TRAPPC13: variants seen among roughly 807,000 people sequenced by gnomAD.
The protein encoded by TRAPPC13 is trafficking protein particle complex subunit 13, also known as REV7-interacting novel NHEJ regulator 1.
Under a neutral mutation model 54.0 loss-of-function variants are expected in TRAPPC13, and 39 were observed. That is an observed-to-expected ratio of 0.72 (90% CI 0.56 to 0.94). TRAPPC13 has a LOEUF of 0.94. Among genes scored for constraint, TRAPPC13 ranks in the 40% least tolerant of loss-of-function variants. TRAPPC13 has a pLI of 0.00. For synonymous variants in TRAPPC13, 148 were observed against 167.7 expected (o/e 0.88, Z 0.91); for missense variants, 386 against 488.1 (o/e 0.79, Z 1.97).
chr5:65,638,324 G>A (rs1444283949), intron 4 of TRAPPC13, among the ~76,000 whole-genome samples: 1 of 152,108 alleles, frequency 6.6e-6, no homozygotes, highest in Non-Finnish European at 1.5e-5. Context: ...AAATGTACTA[G>A]TCAAAGCTAA....
intron 1 of TRAPPC13, among the ~76,000 whole-genome samples, chr5:65,633,836 A>T (rs1755638254): frequency 6.6e-6 from 1 of 151,728 alleles, no homozygotes; most frequent in Non-Finnish European, 1.5e-5. Flanking sequence ...TTTTTTAGTT[A>T]AATTTTATTT....
intron 1 of TRAPPC13, among the ~76,000 whole-genome samples, chr5:65,632,019 A>T (rs1051350606): frequency 6.6e-6 from 1 of 152,194 alleles, no homozygotes; most frequent in Non-Finnish European, 1.5e-5. Context: ...AGAAATAGAA[A>T]ACACCAACTG....
At chr5:65,636,171 T>G in intron 3 of TRAPPC13, 128 bp downstream of exon 3, 7 of 600,846 alleles carry the variant, frequency 1.2e-5, no homozygotes, top group Non-Finnish European at 1.7e-5. Context: ...TGAGATGGAG[T>G]CTCGCTCTAT....
At chr5:65,633,857 C>T (rs1467125663) in intron 1 of TRAPPC13, among the ~76,000 whole-genome samples, 1 of 150,762 alleles carries the variant, frequency 6.6e-6, no homozygotes, top group Non-Finnish European at 1.5e-5. Flanking sequence ...TCCCAGATAG[C>T]TAACCATGTC....
chr5:65,633,158 T>G (rs1282809619), intron 1 of TRAPPC13, among the ~76,000 whole-genome samples: 2 of 152,224 alleles, frequency 1.3e-5, no homozygotes, highest in African/African-American at 4.8e-5. Flanking sequence ...AAATTTGATA[T>G]GAATGCCATA....
intron 2 of TRAPPC13, 82 bp from the exon 3 acceptor site, chr5:65,635,862 A>C (rs1015035402): frequency 9.7e-6 from 8 of 821,812 alleles, no homozygotes; most frequent in Admixed American, 3.5e-5. Context: ...TTTTTAAAAT[A>C]TCTCTCCCAG....
chr5:65,659,943 C>G (rs868165883), intron 9 of TRAPPC13, among the ~76,000 whole-genome samples: 1 of 110,992 alleles, frequency 9.0e-6, no homozygotes, highest in African/African-American at 3.5e-5. Context: ...AGCCTGGTGA[C>G]AGAGAGAGAC....
chr5:65,628,733 A>T (rs1179742270), intron 1 of TRAPPC13, among the ~76,000 whole-genome samples: 1 of 151,990 alleles, frequency 6.6e-6, no homozygotes, highest in African/African-American at 2.4e-5. Context: ...GCCCCCATAA[A>T]GTTCTGGGAT....
Position 65,664,485 on chromosome 5 carries a change from T to TCTCC in TRAPPC13, c.1147-16_1147-15insCCTC, listed in dbSNP as rs2150696557. 1.4e-6 allele frequency: 2 copies of TCTCC among 1,423,358 alleles called. No individual in the cohort carries two copies. The highest frequency in any genetic ancestry group is 1.2e-5 in the South Asian group (1 of 81,872). The allele number at this position is 1,423,358 out of a possible 1,614,324, so 88.2% of individuals were successfully genotyped here. The stretch of plus-strand genomic sequence containing the variant: ...CTGAATGAATGAAAACTTAGACTCA[T>TCTCC]CTCTCTCTCTCTCAATAGAGCATCT... On this transcript the variant is annotated intron_variant, in intron 12 of 12. Transcript: ENST00000399438.
rs535857101 is a variant in TRAPPC13, at chr5:65,641,726, C to CA, written c.300+3954dup. ...ACCCTGTCTGAGAAAAAAAAAAAAACAAAAAAAACAAGACAAAACAAATAC... is the reference window on the plus strand; with the variant it reads ...ACCCTGTCTGAGAAAAAAAAAAAAACAAAAAAAAACAAGACAAAACAAATAC... On this transcript the variant is annotated intron_variant, in intron 4 of 12. Coordinates refer to ENST00000399438, the MANE Select transcript of TRAPPC13 (RefSeq NM_024941.4). 1.2e-4 allele frequency among the ~76,000 whole-genome samples: 18 copies of CA among 144,082 alleles called. No individual in the cohort carries two copies. In the South Asian group the frequency reaches 2.0e-3, roughly 16 times the overall value. The allele number at this position is 144,082 out of a possible 152,430, so 94.5% of individuals were successfully genotyped here. A position where few individuals can be genotyped will look rare whatever the true frequency, so the allele number is the denominator to read the frequency against.
intron 5 of TRAPPC13, among the ~76,000 whole-genome samples, chr5:65,648,350 A>G (rs1756289397): frequency 6.6e-6 from 1 of 151,972 alleles, no homozygotes; most frequent in African/African-American, 2.4e-5. Context: ...TATAGCACCC[A>G]CCATTTATCA....
At chr5:65,633,984 T>TG (rs1755647206) in intron 1 of TRAPPC13, among the ~76,000 whole-genome samples, 1 of 133,380 alleles carries the variant, frequency 7.5e-6, no homozygotes, top group South Asian at 2.6e-4. Context: ...AGCGTTTTTT[T>TG]TTTTTTTTTT....
intron 3 of TRAPPC13, among the ~76,000 whole-genome samples, chr5:65,637,163 A>G (rs1295233995): frequency 7.9e-5 from 12 of 152,206 alleles, no homozygotes; most frequent in Admixed American, 7.9e-4. Flanking sequence ...TACAGTAGTC[A>G]AAGGCCAAGA....
intron 8 of TRAPPC13, 114 bp from the exon 9 acceptor site, chr5:65,658,254 G>T (rs1581232262): frequency 1.9e-6 from 2 of 1,029,424 alleles, no homozygotes; most frequent in East Asian, 2.8e-5. Context: ...TTGCAGGCAT[G>T]AACTAATCAC....
At chr5:65,635,525 T>A (rs1755714763) in intron 2 of TRAPPC13, among the ~76,000 whole-genome samples, 156 bp downstream of exon 2, 1 of 152,238 alleles carries the variant, frequency 6.6e-6, no homozygotes, top group Admixed American at 6.5e-5. Context: ...GGTGGCCATC[T>A]GAGTAACAGG....
rs1342209240 is a variant in TRAPPC13, at chr5:65,660,902, G to A, written c.897+5G>A. The A allele has an allele frequency of 1.3e-6, 2 of 1,597,966 alleles. No homozygotes were observed. The highest frequency in any genetic ancestry group is 1.1e-5 in the South Asian group (1 of 88,544). On this transcript the variant is annotated splice_donor_5th_base_variant and intron_variant, in intron 10 of 12. Coordinates refer to ENST00000399438, the MANE Select transcript of TRAPPC13 (RefSeq NM_024941.4). ...ACCAGCCAACTTCAAAGAATGGTGA[G>A]TCTGGAAAAAACTTCGCTGGGGTTT... is the stretch of plus-strand genomic sequence containing the variant.
At chr5:65,635,263 A>T in intron 1 of TRAPPC13, 38 bp from the exon 2 acceptor site, 4 of 1,530,888 alleles carry the variant, frequency 2.6e-6, no homozygotes, top group Non-Finnish European at 3.6e-6. Flanking sequence ...CCTAAGCAGT[A>T]TTAATGTTTT....
In TRAPPC13 at chr5:65,652,485, T is replaced by C. The variant is rs769045868; in HGVS notation, c.502-16T>C. Reference sequence around the variant, plus strand: ...CATGATAACAATCTCCTGATTGATATGCTTTATTTAACCAGGTTCTCAAAC... The same window carrying C: ...CATGATAACAATCTCCTGATTGATACGCTTTATTTAACCAGGTTCTCAAAC... On this transcript the variant is annotated splice_polypyrimidine_tract_variant and intron_variant, in intron 6 of 12. Coordinates refer to ENST00000399438, the MANE Select transcript of TRAPPC13 (RefSeq NM_024941.4). 13 of 1,577,568 alleles carry C rather than the reference T, an allele frequency of 8.2e-6. No homozygotes were observed. The highest frequency in any genetic ancestry group is 2.2e-5 in the East Asian group (1 of 44,552).
chr5:65,641,700 T>A (rs1755969487), intron 4 of TRAPPC13, among the ~76,000 whole-genome samples: 1 of 137,234 alleles, frequency 7.3e-6, no homozygotes, highest in African/African-American at 2.8e-5. Context: ...GACAGGGCAA[T>A]ACCCTGTCTG....
Sources: allele counts gnomAD v4.1 joint callset (sites outside exome capture counted in the v4.1 genomes callset), GRCh38; gene constraint gnomAD v4.1.1; transcripts MANE v1.5; gene names NCBI Gene and HGNC (gene_info 2026-07-23, HGNC 2026-07-21).